Variants in USP13 observed in about 807,000 individuals in gnomAD.
The protein encoded by USP13 is ubiquitin specific peptidase 13.
USP13 carries 68 observed loss-of-function variants against 107.8 expected under a neutral mutation model. The observed-to-expected ratio is 0.63, with a 90% CI of 0.52 to 0.77. USP13 has a LOEUF of 0.77. USP13 is among the 30% of genes least tolerant of loss of function. The pLI is 0.00. For missense variants in USP13, 945 were observed against 1,093.3 expected (o/e 0.86, Z 1.91); for synonymous variants, 377 against 389.5 (o/e 0.97, Z 0.38).
chr3:179,728,469 C>A (rs1472884481), intron 8 of USP13, among the ~76,000 whole-genome samples: 3 of 149,694 alleles, frequency 2.0e-5, no homozygotes, highest in Admixed American at 2.0e-4. Flanking sequence ...GGGATGGCGG[C>A]CGGGCAGAGA....
chr3:179,728,400 C>CG (rs1161644552), intron 8 of USP13, among the ~76,000 whole-genome samples: 2 of 149,552 alleles, frequency 1.3e-5, no homozygotes, highest in African/African-American at 4.9e-5. Flanking sequence ...CGGGCAGAGA[C>CG]GCTCCTCACT....
At position 179,774,003 on chromosome 3, in the gene USP13, A is replaced by T. The variant is rs929818771; in HGVS notation, c.2414-7736A>T. Among the ~76,000 whole-genome samples the T allele has an allele frequency of 3.3e-5, 5 of 152,238 alleles. No homozygotes were observed. The South Asian group carries it at 6.2e-4, about 19-fold the overall frequency. Reference sequence around the variant, plus strand: ...ATACCTGAGAGTGGCTAATTTATATAAAAAAAGGAGGTTTGTTTGGCTCAT... The same window carrying T: ...ATACCTGAGAGTGGCTAATTTATATTAAAAAAGGAGGTTTGTTTGGCTCAT... On this transcript the variant is annotated intron_variant, in intron 19 of 20. Transcript: ENST00000263966.
intron 4 of USP13, among the ~76,000 whole-genome samples, chr3:179,705,611 C>T (rs1020633536): frequency 6.6e-6 from 1 of 152,166 alleles, no homozygotes; most frequent in Admixed American, 6.5e-5. Flanking sequence ...ATATTTCATT[C>T]TTTTTTATTG....
chr3:179,764,458 C>T (rs1715110391), intron 18 of USP13, among the ~76,000 whole-genome samples: 1 of 152,116 alleles, frequency 6.6e-6, no homozygotes, highest in South Asian at 2.1e-4. Context: ...AGAAATTTGA[C>T]TTGGAGGCTG....
rs1003042555 is a variant in USP13, at chr3:179,734,363, C to A, written c.1254+3654C>A. Among the ~76,000 whole-genome samples, 4 of 152,166 alleles carry A rather than the reference C, an allele frequency of 2.6e-5. No individual in the cohort carries two copies. In the South Asian group the frequency reaches 8.3e-4, roughly 32 times the overall value. ...TATCTTTATGCATTCTAAGGCAGTGCTTTCAAATGTTTTAAAGCTGAACAC... is the reference window on the plus strand; with the variant it reads ...TATCTTTATGCATTCTAAGGCAGTGATTTCAAATGTTTTAAAGCTGAACAC... On this transcript the variant is annotated intron_variant, in intron 10 of 20. Coordinates refer to ENST00000263966, the MANE Select transcript of USP13 (RefSeq NM_003940.3).
In USP13 at chr3:179,653,469, G is replaced by A; in HGVS notation, c.168+76G>A. On this transcript the variant is annotated intron_variant, in intron 1 of 20. Coordinates refer to ENST00000263966, the MANE Select transcript of USP13 (RefSeq NM_003940.3). The surrounding 1 kb of genome is among the most constrained non-coding windows in gnomAD (Gnocchi z 4.0). ...GTGAAGCCGGGGGAGAAGATGCGCA[G>A]TGGCGGCCGGGACCTCTTCTCTTCC... The A allele has an allele frequency of 6.6e-7, 1 of 1,505,258 alleles. No individual in the cohort carries two copies. The highest frequency in any genetic ancestry group is 8.9e-7 in the Non-Finnish European group (1 of 1,121,086). The allele number at this position is 1,505,258 out of a possible 1,614,324, so 93.2% of individuals were successfully genotyped here.
Position 179,751,119 on chromosome 3 carries a change from C to T in USP13, c.1710-1166C>T, listed in dbSNP as rs193070649. Among the ~76,000 whole-genome samples, 560 of 152,084 alleles carry T rather than the reference C, an allele frequency of 3.7e-3. 3 individuals are homozygous for T. Among genetic ancestry groups the T allele is most frequent in the Middle Eastern group, 6.8e-3 (2 of 292 alleles). ...TCTTTTTTACATATACCTACCACAC[C>T]CACATTGACTACAAATAGAAATGGT... On this transcript the variant is annotated intron_variant, in intron 13 of 20. Transcript: ENST00000263966.
chr3:179,761,304 G>A (rs369997456), intron 17 of USP13, 49 bp downstream of exon 17: 1 of 1,607,608 alleles, frequency 6.2e-7, no homozygotes, highest in African/African-American at 1.3e-5. Flanking sequence ...GTGACCCTCA[G>A]TGATGCTGAG....
chr3:179,693,019 C>T (rs775057241), intron 3 of USP13, among the ~76,000 whole-genome samples: 3 of 152,192 alleles, frequency 2.0e-5, no homozygotes, highest in Non-Finnish European at 4.4e-5. Flanking sequence ...ATAGAACTCA[C>T]AGCCCCAAAA....
In USP13 at chr3:179,692,063, G is replaced by A. The variant is rs922784346; in HGVS notation, c.355+1762G>A. On this transcript the variant is annotated intron_variant, in intron 3 of 20. Transcript: ENST00000263966. ...TAGACATGTATATGTATGTATGCAT[G>A]CATGTATGAATGTATATCTGTGTGT... is the stretch of plus-strand genomic sequence containing the variant. Among the ~76,000 whole-genome samples, 4 of 152,088 alleles carry A rather than the reference G, an allele frequency of 2.6e-5. No individual in the cohort carries two copies. In the South Asian group the frequency reaches 8.3e-4, roughly 32 times the overall value.
intron 8 of USP13, among the ~76,000 whole-genome samples, chr3:179,726,918 A>G (rs991438966): frequency 1.3e-5 from 2 of 152,006 alleles, no homozygotes; most frequent in East Asian, 1.9e-4. Context: ...GGTTCAAGCA[A>G]TCTTCGCCCC....
chr3:179,665,078 C>A (rs945143055), intron 1 of USP13, among the ~76,000 whole-genome samples: 4 of 151,984 alleles, frequency 2.6e-5, no homozygotes, highest in African/African-American at 7.2e-5. Context: ...CAGAGTGAGA[C>A]CTTGTCTCAA....
In USP13 at chr3:179,789,059, G is replaced by T. The variant is rs984854408; in HGVS notation, c.*4918G>T. On this transcript the variant is annotated 3_prime_UTR_variant, in exon 21 of 21. Transcript: ENST00000263966. Reference sequence around the variant, plus strand: ...AGGATATTAGCCACTTGAGGGTGTTGGGCATATTTGTTTCATTGTAGGCAA... The same window carrying T: ...AGGATATTAGCCACTTGAGGGTGTTTGGCATATTTGTTTCATTGTAGGCAA... The T allele has an allele frequency of 6.6e-5, 10 of 152,154 alleles. No homozygotes were observed. Among genetic ancestry groups the T allele is most frequent in the African/African-American group, 2.4e-4 (10 of 41,424 alleles). The allele number at this position is 152,154 out of a possible 1,614,324, so 9.4% of individuals were successfully genotyped here.
At chr3:179,750,413 A>G (rs1714571465) in intron 13 of USP13, among the ~76,000 whole-genome samples, 1 of 150,170 alleles carries the variant, frequency 6.7e-6, no homozygotes. Flanking sequence ...GGTGACATTT[A>G]AATAAGAATA....
intron 5 of USP13, 35 bp downstream of exon 5, chr3:179,707,111 C>A (rs1422464499): frequency 6.3e-7 from 1 of 1,582,490 alleles, no homozygotes; most frequent in Non-Finnish European, 8.6e-7. Flanking sequence ...ACTTTACTCC[C>A]TAAAACTGTC....
At chr3:179,782,251 T>G (rs1030731503) in intron 20 of USP13, among the ~76,000 whole-genome samples, 1 of 152,208 alleles carries the variant, frequency 6.6e-6, no homozygotes, top group Non-Finnish European at 1.5e-5. Flanking sequence ...ATTTCAAATA[T>G]TCTATGTCCC....
intron 8 of USP13, among the ~76,000 whole-genome samples, chr3:179,723,368 G>T (rs1320947715): frequency 1.3e-5 from 2 of 152,116 alleles, no homozygotes; most frequent in African/African-American, 4.8e-5. Context: ...AGTGTGTGGG[G>T]GTCAGTGGTG....
At chr3:179,743,673 G>A (rs1317488390) in intron 12 of USP13, among the ~76,000 whole-genome samples, 2 of 151,940 alleles carry the variant, frequency 1.3e-5, no homozygotes, top group Non-Finnish European at 2.9e-5. Flanking sequence ...ACTGACTCAC[G>A]TGTCTGCTCA....
chr3:179,770,685 A>G (rs1576990943), intron 19 of USP13, among the ~76,000 whole-genome samples: 1 of 151,838 alleles, frequency 6.6e-6, no homozygotes, highest in African/African-American at 2.4e-5. Flanking sequence ...GCAAACTGCA[A>G]CCTCCAACTC....
Sources: gnomAD v4.1 joint callset for allele counts (sites outside exome capture counted in the v4.1 genomes callset) on GRCh38, gnomAD v4.1.1 for gene constraint, Gnocchi (gnomAD v3.1) non-coding constraint, MANE v1.5 for transcripts, NCBI Gene and HGNC (gene_info 2026-07-23, HGNC 2026-07-21) for gene names.